The following SYNE1 variants were observed in gnomAD, a reference collection of about 807,000 sequenced individuals.
SYNE1 encodes nesprin-1.
A neutral mutation model predicts 1,111.0 loss-of-function variants in SYNE1; 616 were observed. The ratio of observed to expected loss-of-function variants is 0.55; its 90% CI spans 0.52 to 0.59. The LOEUF (loss-of-function observed/expected upper bound fraction) is 0.59. Ranked by LOEUF, SYNE1 falls within the 20% of genes least tolerant of loss-of-function variation. SYNE1 has a pLI of 0.00. For missense variants in SYNE1, 10,006 were observed against 10,417.0 expected, an observed-to-expected ratio of 0.96 and a Z score of 1.72; for synonymous variants, 3,855 against 3,825.8, an observed-to-expected ratio of 1.01 and a Z score of -0.28.
At chr6:152,149,813 C>T in intron 135 of SYNE1, 145 bp from the exon 136 acceptor site, 1 of 713,180 alleles carries the variant, frequency 1.4e-6, no homozygotes, top group Non-Finnish European at 2.4e-6. Context: ...AGACAAGAGT[C>T]TATTACCTTC....
In SYNE1 at chr6:152,369,403, T is replaced by A. The variant is rs80332719; in HGVS notation, c.9651+68A>T. 6.1e-4 allele frequency: 977 copies of A among 1,609,982 alleles called. 5 individuals are homozygous for A. The African/African-American group carries it at 0.011, about 19-fold the overall frequency. Reference sequence around the variant, plus strand: ...CTAACTCAAGGGTGCTGAGCATGCATCTGTAAGGTCGACAGAGGACGGACA... The same window carrying A: ...CTAACTCAAGGGTGCTGAGCATGCAACTGTAAGGTCGACAGAGGACGGACA... On this transcript the variant is annotated intron_variant, in intron 60 of 145. Transcript: ENST00000367255.
At position 152,401,353 on chromosome 6, in the gene SYNE1, G is replaced by A. The variant is rs1338878923; in HGVS notation, c.6826-12C>T. 1 of 1,611,334 alleles carries A rather than the reference G, an allele frequency of 6.2e-7. No individual in the cohort carries two copies. The highest frequency in any genetic ancestry group is 8.5e-7 in the Non-Finnish European group (1 of 1,178,848). On this transcript the variant is annotated splice_polypyrimidine_tract_variant and intron_variant, in intron 46 of 145. Transcript: ENST00000367255. ...TCTGCTTCTATAAACTAAATATCAA[G>A]CAAGATTTCATCAATATCTCTGAAG...
intron 56 of SYNE1, among the ~76,000 whole-genome samples, chr6:152,378,467 T>A (rs944713433): frequency 6.6e-6 from 1 of 152,212 alleles, no homozygotes; most frequent in Admixed American, 6.5e-5. Flanking sequence ...GCAAGAGATA[T>A]CCAGGCTAGC....
Position 152,381,101 on chromosome 6 carries a change from A to G in SYNE1, c.8914T>C (p.Phe2972Leu). The G allele has an allele frequency of 6.2e-7, 1 of 1,614,136 alleles. No individual in the cohort carries two copies. Among genetic ancestry groups the G allele is most frequent in the Middle Eastern group, 1.6e-4 (1 of 6,062 alleles). Reference protein sequence around the residue: ...VAQLEQALEQFSALLKTWAQQ... With the variant: ...VAQLEQALEQLSALLKTWAQQ... ...GCCCAGGTTTTCAGAAGGGCACTGA[A>G]CTGTTCCAGGGCCTGCTCCAGTTGA... The change falls in exon 56 of 146, where the codon TTC becomes CTC. Residue 2972 changes from phenylalanine to leucine, a missense_variant. This residue lies in a region of SYNE1 where 4,955 missense variants were observed against 5,017.2 expected (regional missense o/e 0.99). Coordinates refer to ENST00000367255, the MANE Select transcript of SYNE1 (RefSeq NM_182961.4).
At chr6:152,482,990 TG>T (rs2098916953) in intron 14 of SYNE1, 94 bp downstream of exon 14, 1 of 1,365,872 alleles carries the variant, frequency 7.3e-7, no homozygotes, top group Non-Finnish European at 1.0e-6. Context: ...AATTAATATT[TG>T]GGGCGTCCCC....
intron 11 of SYNE1, among the ~76,000 whole-genome samples, chr6:152,491,550 C>A (rs1564421390): frequency 6.6e-6 from 1 of 152,168 alleles, no homozygotes; most frequent in South Asian, 2.1e-4. Context: ...TTTTCTTCTG[C>A]AACACTGCTT....
chr6:152,447,670 A>G lies in SYNE1; in HGVS notation c.3505-48T>C, dbSNP rs758478776. 4.3e-6 allele frequency: 7 copies of G among 1,611,430 alleles called. No homozygotes were observed. In the Admixed American group the frequency reaches 6.7e-5, roughly 15 times the overall value. On this transcript the variant is annotated intron_variant, in intron 28 of 145. Transcript: ENST00000367255. ...ATGAACACAGTGCAATTGTGAAATC[A>G]TAACTTTCCAGCAATAAAGGACTCA... is the stretch of plus-strand genomic sequence containing the variant.
intron 18 of SYNE1, chr6:152,464,944 T>G (rs1212306061): frequency 2.5e-6 from 1 of 406,002 alleles, no homozygotes; most frequent in Non-Finnish European, 4.6e-6. Context: ...AAAACAAAGT[T>G]GTTTTCATCC....
intron 25 of SYNE1, among the ~76,000 whole-genome samples, chr6:152,452,853 T>C (rs70016): frequency 0.52 from 79,515 of 151,898 alleles, 22,679 homozygotes; most frequent in East Asian, 0.76. Flanking sequence ...CGGGCCCCCG[T>C]GTCCCGCTTC....
Position 152,294,113 on chromosome 6 carries a change from G to A in SYNE1, c.17697C>T (p.Tyr5899=), listed in dbSNP as rs1287296985. 1.9e-6 allele frequency: 3 copies of A among 1,613,456 alleles called. No homozygotes were observed. The highest frequency in any genetic ancestry group is 2.2e-5 in the East Asian group (1 of 44,874). Residue 5899 remains tyrosine, a synonymous_variant, in exon 94 of 146, where the codon TAC becomes TAT. Transcript: ENST00000367255. Reference sequence around the variant, plus strand: ...GCAACCTCTCAGCAGACAAGGCTTGGTAATATGCAATGTCCTGTGAGTGCA... The same window carrying A: ...GCAACCTCTCAGCAGACAAGGCTTGATAATATGCAATGTCCTGTGAGTGCA... The part of the protein sequence containing the change: ...DASVNQDIAY[Y]QALSAERLQT...
chr6:152,251,091 A>C (rs1220892978), intron 104 of SYNE1, among the ~76,000 whole-genome samples: 2 of 152,074 alleles, frequency 1.3e-5, no homozygotes, highest in Non-Finnish European at 2.9e-5. Flanking sequence ...CTGGGACTAT[A>C]GGCATGCACC....
chr6:152,479,631 GTT>G (rs1260398440), intron 14 of SYNE1, among the ~76,000 whole-genome samples: 1 of 152,148 alleles, frequency 6.6e-6, no homozygotes, highest in African/African-American at 2.4e-5. Context: ...CATGTTAAGT[GTT>G]TGGTAAAAAT....
At position 152,376,546 on chromosome 6, in the gene SYNE1, T is replaced by A. The variant is rs751100943; in HGVS notation, c.9159A>T (p.Gln3053His). The part of the protein sequence containing the change: ...LIKEYNCLCL[Q>H]ASKGCQNKEQ... ...CTTTATTCTGGCAGCCCTTGGATGC[T>A]TGCAAACAAAGACTGAAAAGGTGAC... The change falls in exon 58 of 146, where the codon CAA (glutamine) becomes CAT (histidine). Residue 3053 changes from glutamine to histidine, a missense_variant. This residue lies in a region of SYNE1 where 4,955 missense variants were observed against 5,017.2 expected (regional missense o/e 0.99). Coordinates refer to ENST00000367255, the MANE Select transcript of SYNE1 (RefSeq NM_182961.4). 6.2e-7 allele frequency: 1 copy of A among 1,613,962 alleles called. No individual in the cohort carries two copies. The highest frequency in any genetic ancestry group is 2.2e-5 in the East Asian group (1 of 44,872).
chr6:152,382,058 C>T (rs1483279787), intron 55 of SYNE1, among the ~76,000 whole-genome samples: 3 of 152,028 alleles, frequency 2.0e-5, no homozygotes, highest in Non-Finnish European at 2.9e-5. Context: ...CAATTTAGCT[C>T]GATCTTAAAG....
At chr6:152,342,314 G>T (rs1413361641) in intron 74 of SYNE1, among the ~76,000 whole-genome samples, 1 of 152,160 alleles carries the variant, frequency 6.6e-6, no homozygotes, top group Admixed American at 6.5e-5. Flanking sequence ...GGTCTGAATT[G>T]TTCTGAATAA....
intron 46 of SYNE1, among the ~76,000 whole-genome samples, chr6:152,401,744 G>C (rs987973839): frequency 1.5e-4 from 23 of 152,124 alleles, no homozygotes; most frequent in Non-Finnish European, 3.2e-4. Flanking sequence ...CATCACTGTA[G>C]GATTTTATCA....
Position 152,293,886 on chromosome 6 carries a change from C to A in SYNE1, c.17850+74G>T, listed in dbSNP as rs374771956. 1.9e-6 allele frequency: 3 copies of A among 1,610,234 alleles called. No homozygotes were observed. The African/African-American group carries it at 4.0e-5, about 22-fold the overall frequency. The stretch of plus-strand genomic sequence containing the variant: ...GTGGACTGGATATGTAAACTCTCTG[C>A]ATGTATTTCATAAGACAATCGCTAA... On this transcript the variant is annotated intron_variant, in intron 94 of 145. Coordinates refer to ENST00000367255, the MANE Select transcript of SYNE1 (RefSeq NM_182961.4).
intron 30 of SYNE1, 79 bp downstream of exon 30, chr6:152,444,332 T>C: frequency 6.6e-7 from 1 of 1,508,138 alleles, no homozygotes; most frequent in Non-Finnish European, 9.2e-7. Context: ...AAGCCAGTGG[T>C]TGTATTCTTT....
At chr6:152,125,643 G>A (rs949891688) in intron 145 of SYNE1, 3 of 282,870 alleles carry the variant, frequency 1.1e-5, no homozygotes, top group Non-Finnish European at 2.0e-5. Flanking sequence ...TTATAACAGA[G>A]TGACTGAAGA....
Sources: gnomAD v4.1 joint callset for allele counts (sites outside exome capture counted in the v4.1 genomes callset) on GRCh38, gnomAD v4.1.1 for gene constraint, gnomAD v4.1.1 regional missense constraint, MANE v1.5 for transcripts, NCBI Gene and HGNC (gene_info 2026-07-23, HGNC 2026-07-21) for gene names.